ZNF536: variants seen among roughly 807,000 people sequenced by gnomAD.
ZNF536 encodes zinc finger protein 536.
In ZNF536, 13 loss-of-function variants were observed where a neutral mutation model predicts 84.5. The observed-to-expected ratio is 0.15, with a 90% CI of 0.10 to 0.24. ZNF536 has a LOEUF of 0.24. Among genes scored for constraint, ZNF536 ranks in the 10% least tolerant of loss-of-function variants. The pLI is 1.00. For missense variants in ZNF536, 1,536 were observed against 1,747.5 expected, an observed-to-expected ratio of 0.88 and a Z score of 2.16; for synonymous variants, 811 against 742.5, an observed-to-expected ratio of 1.09 and a Z score of -1.50.
At chr19:30,231,166 T>G (rs763011482) in intron 1 of ZNF536, among the ~76,000 whole-genome samples, 2 of 152,224 alleles carry the variant, frequency 1.3e-5, no homozygotes, top group Admixed American at 6.5e-5. Context: ...GATGCAAATT[T>G]AAAAACAAGT....
intron 2 of ZNF536, among the ~76,000 whole-genome samples, chr19:30,518,096 C>T (rs1024383852): frequency 1.3e-5 from 2 of 152,150 alleles, no homozygotes; most frequent in Non-Finnish European, 2.9e-5. Context: ...GTGACCAGAT[C>T]AGCCTCTCTG....
intron 1 of ZNF536, among the ~76,000 whole-genome samples, chr19:30,256,691 G>A (rs1481796144): frequency 6.6e-6 from 1 of 152,172 alleles, no homozygotes; most frequent in Non-Finnish European, 1.5e-5. Flanking sequence ...GCCTCTGGAG[G>A]AGAGAGGCTA....
chr19:30,386,264 C>A (rs933614382), intron 1 of ZNF536, among the ~76,000 whole-genome samples: 26 of 152,350 alleles, frequency 1.7e-4, no homozygotes, highest in African/African-American at 6.3e-4. Flanking sequence ...TCACGCTGCT[C>A]TGAGTGGAGT....
At chr19:30,453,176 C>A (rs182984567) in intron 2 of ZNF536, among the ~76,000 whole-genome samples, 1 of 152,126 alleles carries the variant, frequency 6.6e-6, no homozygotes, top group Non-Finnish European at 1.5e-5. Flanking sequence ...CTGTGTCCCC[C>A]CCACCCCCAA....
In ZNF536 at chr19:30,408,125, T is replaced by C. The variant is rs568679996; in HGVS notation, c.-2-35436T>C. 2.6e-5 allele frequency among the ~76,000 whole-genome samples: 4 copies of C among 152,180 alleles called. No individual in the cohort carries two copies. The East Asian group carries it at 7.7e-4, about 29-fold the overall frequency. On this transcript the variant is annotated intron_variant, in intron 1 of 4. Transcript: ENST00000355537. The stretch of plus-strand genomic sequence containing the variant: ...TGGGCTGTGTTTCTTTTTGTGTGAG[T>C]GGATGCATGTACCTGTGCACGAGTA...
At chr19:30,318,509 G>A (rs894631724) in intron 2 of ZNF536, among the ~76,000 whole-genome samples, 16 of 152,258 alleles carry the variant, frequency 1.1e-4, no homozygotes, top group African/African-American at 3.9e-4. Context: ...CCACTAGAGC[G>A]AAAGACTGCA....
chr19:30,283,217 G>A (rs1043075421), intron 1 of ZNF536, among the ~76,000 whole-genome samples: 1 of 152,218 alleles, frequency 6.6e-6, no homozygotes, highest in Non-Finnish European at 1.5e-5. Flanking sequence ...GGGAACTTAT[G>A]TTTGCCCCAT....
At chr19:30,580,224 G>A (rs1420237899) in intron 1 of ZNF536, among the ~76,000 whole-genome samples, 1 of 152,144 alleles carries the variant, frequency 6.6e-6, no homozygotes, top group South Asian at 2.1e-4. Flanking sequence ...CCCGGGCTGG[G>A]GACCCCTTCC....
rs558900453 is a variant in ZNF536 at position 30,577,742 on chromosome 19, C to A, written c.169+28228C>A. On this transcript the variant is annotated intron_variant, in intron 1 of 1. Transcript: ENST00000592773. Reference sequence around the variant, plus strand: ...CTGCCCCTGTCTGTGGAGTCATATACAAAGTGACCTTTGAATCGCCAGTGG... The same window carrying A: ...CTGCCCCTGTCTGTGGAGTCATATAAAAAGTGACCTTTGAATCGCCAGTGG... Among the ~76,000 whole-genome samples, 5 of 152,298 alleles carry A rather than the reference C, an allele frequency of 3.3e-5. No homozygotes were observed. The South Asian group carries it at 1.0e-3, about 32-fold the overall frequency.
At chr19:30,643,169 G>T (rs2049328711) in intron 1 of ZNF536, among the ~76,000 whole-genome samples, 1 of 152,202 alleles carries the variant, frequency 6.6e-6, no homozygotes, top group South Asian at 2.1e-4. Context: ...TTCTTCTCCT[G>T]CTGGGTTCAT....
At chr19:30,271,557 A>G (rs2025856216) in intron 1 of ZNF536, among the ~76,000 whole-genome samples, 1 of 152,082 alleles carries the variant, frequency 6.6e-6, no homozygotes, top group Non-Finnish European at 1.5e-5. Flanking sequence ...CTGCCCAGAT[A>G]GCGAAATGAG....
At chr19:30,384,185 C>CT (rs2049220910) in intron 1 of ZNF536, among the ~76,000 whole-genome samples, 1 of 57,250 alleles carries the variant, frequency 1.7e-5, no homozygotes, top group Non-Finnish European at 4.1e-5. Context: ...TTCTTTCTTT[C>CT]TCCTTCCTTC....
chr19:30,475,441 C>CA (rs1244049023), intron 2 of ZNF536, among the ~76,000 whole-genome samples: 2 of 151,848 alleles, frequency 1.3e-5, no homozygotes, highest in African/African-American at 2.4e-5. Flanking sequence ...CTATCTCTAG[C>CA]AAAAAAATTA....
intron 1 of ZNF536, among the ~76,000 whole-genome samples, chr19:30,621,321 T>C (rs1052066287): frequency 6.6e-6 from 1 of 152,158 alleles, no homozygotes; most frequent in Non-Finnish European, 1.5e-5. Flanking sequence ...AAGGTCTTTC[T>C]GGAAGTAACT....
At chr19:30,386,253 C>A (rs759884733) in intron 1 of ZNF536, among the ~76,000 whole-genome samples, 1 of 152,186 alleles carries the variant, frequency 6.6e-6, no homozygotes. Flanking sequence ...GAAGCCAATT[C>A]TCACGCTGCT....
Position 30,328,399 on chromosome 19 carries a change from C to A in ZNF536, c.-119-23969C>A, listed in dbSNP as rs76906674. On this transcript the variant is annotated intron_variant, in intron 2 of 5. Coordinates refer to the ZNF536 transcript ENST00000585628. Reference sequence around the variant, plus strand: ...AAAAGCTCTGCAGCCCCTGACAAGGCAGAAGAGGAACTCATGGGCCTCTGT... The same window carrying A: ...AAAAGCTCTGCAGCCCCTGACAAGGAAGAAGAGGAACTCATGGGCCTCTGT... Among the ~76,000 whole-genome samples the A allele has an allele frequency of 7.5e-3, 1,149 of 152,312 alleles. 4 individuals carry two copies. Among genetic ancestry groups the A allele is most frequent in the Non-Finnish European group, 0.012 (814 of 68,010 alleles).
intron 1 of ZNF536, among the ~76,000 whole-genome samples, chr19:30,651,565 A>T (rs989184901): frequency 6.6e-6 from 1 of 152,212 alleles, no homozygotes; most frequent in African/African-American, 2.4e-5. Context: ...CACAAATGAT[A>T]GTTTGTAATT....
In ZNF536 at chr19:30,429,727, G is replaced by A. The variant is rs146205961; in HGVS notation, c.-2-13834G>A. Among the ~76,000 whole-genome samples the A allele has an allele frequency of 5.5e-3, 835 of 152,244 alleles. 11 individuals carry two copies. The highest frequency in any genetic ancestry group is 0.046 in the South Asian group (223 of 4,824). On this transcript the variant is annotated intron_variant, in intron 1 of 4. Coordinates refer to ENST00000355537, the MANE Select transcript of ZNF536 (RefSeq NM_014717.3). ...GATTCTCTCTGCAGAGCCAGGCACC[G>A]TGCCTGGTGTGCAGTGGAGAGTCAG...
chr19:30,282,283 C>A (rs1171660837), intron 1 of ZNF536, among the ~76,000 whole-genome samples: 1 of 152,246 alleles, frequency 6.6e-6, no homozygotes. Flanking sequence ...GGTCAGACAC[C>A]CTTGCATAAG....
Sources: gnomAD v4.1 joint callset for allele counts (sites outside exome capture counted in the v4.1 genomes callset) on GRCh38, gnomAD v4.1.1 for gene constraint, MANE v1.5 for transcripts, NCBI Gene and HGNC (gene_info 2026-07-23, HGNC 2026-07-21) for gene names.